Variants in KCNT2 observed in about 807,000 individuals in gnomAD.
KCNT2 encodes the protein potassium sodium-activated channel subfamily T member 2, also known as potassium channel subfamily T member 2.
KCNT2 carries 67 observed loss-of-function variants against 153.8 expected under a neutral mutation model. The observed-to-expected ratio is 0.44, with a 90% CI of 0.36 to 0.53. The LOEUF (loss-of-function observed/expected upper bound fraction) is 0.53. Among genes scored for constraint, KCNT2 ranks in the 20% least tolerant of loss-of-function variants. KCNT2 has a pLI of 0.00. For missense variants in KCNT2, 975 were observed against 1,354.8 expected (o/e 0.72, Z 4.40); for synonymous variants, 500 against 458.8 (o/e 1.09, Z -1.15).
At chr1:196,370,618 A>AAT (rs1241740692) in intron 14 of KCNT2, among the ~76,000 whole-genome samples, 1 of 152,112 alleles carries the variant, frequency 6.6e-6, no homozygotes. Context: ...ATTGATGATG[A>AAT]TAATCAAAGT....
At chr1:196,302,477 T>C (rs1323631518) in intron 22 of KCNT2, among the ~76,000 whole-genome samples, 1 of 152,190 alleles carries the variant, frequency 6.6e-6, no homozygotes. Flanking sequence ...ATAAAGATGT[T>C]GTCAAGATTG....
At chr1:196,551,876 C>G (rs1657950640) in intron 1 of KCNT2, among the ~76,000 whole-genome samples, 1 of 151,602 alleles carries the variant, frequency 6.6e-6, no homozygotes. Flanking sequence ...GAAACATTCA[C>G]TCTTCCACCT....
chr1:196,599,776 A>C (rs984392497), intron 1 of KCNT2, among the ~76,000 whole-genome samples: 1 of 152,168 alleles, frequency 6.6e-6, no homozygotes, highest in African/African-American at 2.4e-5. Flanking sequence ...AATACGTTCA[A>C]TCTAAGGCAA....
intron 1 of KCNT2, among the ~76,000 whole-genome samples, chr1:196,596,549 G>A (rs1664106628): frequency 1.3e-5 from 2 of 151,940 alleles, no homozygotes; most frequent in South Asian, 4.1e-4. Flanking sequence ...GTCTATTCAT[G>A]TCCTTTGCCC....
At chr1:196,412,387 C>T (rs549174530) in intron 12 of KCNT2, among the ~76,000 whole-genome samples, 1 of 151,600 alleles carries the variant, frequency 6.6e-6, no homozygotes, top group South Asian at 2.1e-4. Flanking sequence ...ACAGAATACT[C>T]AATAAATATT....
At chr1:196,265,767 C>T (rs1035133776) in intron 25 of KCNT2, among the ~76,000 whole-genome samples, 2 of 152,194 alleles carry the variant, frequency 1.3e-5, no homozygotes, top group Admixed American at 1.3e-4. Flanking sequence ...GCCTCCATAA[C>T]AGCACAGTTC....
At chr1:196,396,532 G>C (rs1670951420) in intron 13 of KCNT2, among the ~76,000 whole-genome samples, 1 of 151,570 alleles carries the variant, frequency 6.6e-6, no homozygotes, top group East Asian at 1.9e-4. Context: ...ACTTCATGCT[G>C]AGATATAAAA....
intron 16 of KCNT2, among the ~76,000 whole-genome samples, chr1:196,339,520 C>CACACAGAGAGAG (rs1005738965): frequency 2.2e-3 from 308 of 138,006 alleles, no homozygotes; most frequent in Non-Finnish European, 3.1e-3. Flanking sequence ...CACACACACA[C>CACACAGAGAGAG]AGAGAGAGAG....
At chr1:196,247,251 T>C (rs1187924696) in intron 26 of KCNT2, among the ~76,000 whole-genome samples, 1 of 152,148 alleles carries the variant, frequency 6.6e-6, no homozygotes, top group Non-Finnish European at 1.5e-5. Context: ...AAAATATACA[T>C]GCAACCAACA....
chr1:196,583,906 AT>A, intron 1 of KCNT2, among the ~76,000 whole-genome samples: 1 of 152,198 alleles, frequency 6.6e-6, no homozygotes, highest in East Asian at 1.9e-4. Flanking sequence ...TCTTGATGAT[AT>A]GTAAAAATGA....
intron 8 of KCNT2, among the ~76,000 whole-genome samples, chr1:196,461,071 C>T (rs1677107164): frequency 1.3e-5 from 2 of 151,658 alleles, no homozygotes; most frequent in Admixed American, 6.6e-5. Flanking sequence ...ATGACAGTGG[C>T]AATTAACACC....
intron 14 of KCNT2, among the ~76,000 whole-genome samples, chr1:196,366,263 G>C (rs1356502800): frequency 2.0e-5 from 3 of 151,832 alleles, no homozygotes; most frequent in African/African-American, 7.3e-5. Context: ...GGGTTCAAGG[G>C]ATTCTCCTGC....
chr1:196,244,565 AC>A (rs1655256385), intron 26 of KCNT2, among the ~76,000 whole-genome samples: 1 of 152,056 alleles, frequency 6.6e-6, no homozygotes, highest in African/African-American at 2.4e-5. Context: ...GCCAGGTAGT[AC>A]CCAACATTGG....
At chr1:196,571,392 C>T (rs1006343026) in intron 1 of KCNT2, among the ~76,000 whole-genome samples, 1 of 151,962 alleles carries the variant, frequency 6.6e-6, no homozygotes, top group Non-Finnish European at 1.5e-5. Flanking sequence ...CAGAAAACAT[C>T]CCAGAATATA....
chr1:196,229,269 C>T (rs1221526084), intron 27 of KCNT2, among the ~76,000 whole-genome samples: 1 of 151,942 alleles, frequency 6.6e-6, no homozygotes, highest in Non-Finnish European at 1.5e-5. Context: ...GTAACTTGAA[C>T]TTTTTCCATT....
chr1:196,240,328 A>G (rs561519961), intron 26 of KCNT2, among the ~76,000 whole-genome samples: 36 of 152,018 alleles, frequency 2.4e-4, no homozygotes, highest in Non-Finnish European at 4.3e-4. Flanking sequence ...TGAGGATAGC[A>G]ACAGTGCAAT....
At chr1:196,280,361 T>G (rs1658981341) in intron 25 of KCNT2, among the ~76,000 whole-genome samples, 1 of 152,228 alleles carries the variant, frequency 6.6e-6, no homozygotes, top group Non-Finnish European at 1.5e-5. Flanking sequence ...GACACTACTC[T>G]TATACTCAGA....
chr1:196,472,159 C>G (rs940791073), intron 5 of KCNT2, among the ~76,000 whole-genome samples: 2 of 152,122 alleles, frequency 1.3e-5, no homozygotes, highest in Non-Finnish European at 2.9e-5. Flanking sequence ...TTTTAAAATG[C>G]TTGTTGGGGC....
At chr1:196,368,023 A>T (rs1668187129) in intron 14 of KCNT2, among the ~76,000 whole-genome samples, 1 of 152,142 alleles carries the variant, frequency 6.6e-6, no homozygotes, top group South Asian at 2.1e-4. Context: ...AAGAAAACAG[A>T]ACAACGTGCT....
Sources: gnomAD v4.1 joint callset for allele counts (sites outside exome capture counted in the v4.1 genomes callset) on GRCh38, gnomAD v4.1.1 for gene constraint, MANE v1.5 for transcripts, NCBI Gene and HGNC (gene_info 2026-07-23, HGNC 2026-07-21) for gene names.